The following CSMD1 variants were observed in gnomAD, a reference collection of about 807,000 sequenced individuals.
The protein encoded by CSMD1 is CUB and sushi domain-containing protein 1.
CSMD1 carries 213 observed loss-of-function variants against 417.5 expected under a neutral mutation model. The ratio of observed to expected loss-of-function variants is 0.51; its 90% CI spans 0.46 to 0.57. CSMD1 has a LOEUF of 0.57. Ranked by LOEUF, CSMD1 falls within the 20% of genes least tolerant of loss-of-function variation. The pLI is 0.00. For synonymous variants in CSMD1, 2,862 were observed against 1,736.8 expected (o/e 1.65, Z -16.11); for missense variants, 6,923 against 4,529.7 (o/e 1.53, Z -15.17).
At position 4,429,994 on chromosome 8, in the gene CSMD1, G is replaced by C. The variant is rs539253811; in HGVS notation, c.303-9929C>G. On this transcript the variant is annotated intron_variant, in intron 2 of 69. Coordinates refer to ENST00000635120, the MANE Select transcript of CSMD1 (RefSeq NM_033225.6). Reference sequence around the variant, plus strand: ...CACTGGAAGCTGAGCTGGAAGATGAGGTCTCCTTAAGTGCCTTCCCACTGA... The same window carrying C: ...CACTGGAAGCTGAGCTGGAAGATGACGTCTCCTTAAGTGCCTTCCCACTGA... 2.4e-4 allele frequency among the ~76,000 whole-genome samples: 36 copies of C among 152,246 alleles called. 1 individual carries two copies. In the South Asian group the frequency reaches 7.0e-3, roughly 30 times the overall value.
intron 5 of CSMD1, among the ~76,000 whole-genome samples, chr8:3,855,019 A>G (rs1461596809): frequency 6.6e-6 from 1 of 152,194 alleles, no homozygotes. Context: ...ACATTCGGAA[A>G]TAAACACAAA....
intron 1 of CSMD1, among the ~76,000 whole-genome samples, chr8:4,662,905 C>A (rs1804689117): frequency 6.6e-6 from 1 of 151,814 alleles, no homozygotes; most frequent in South Asian, 2.1e-4. Flanking sequence ...AGCCAAAAGA[C>A]AAAAAGAGAG....
intron 1 of CSMD1, among the ~76,000 whole-genome samples, chr8:4,968,675 C>T (rs75443990): frequency 2.0e-5 from 3 of 152,054 alleles, no homozygotes; most frequent in African/African-American, 7.2e-5. Flanking sequence ...AAAGACTTAG[C>T]TATCTCTGCT....
At chr8:3,681,240 A>T (rs1464428016) in intron 7 of CSMD1, among the ~76,000 whole-genome samples, 1 of 152,230 alleles carries the variant, frequency 6.6e-6, no homozygotes, top group Non-Finnish European at 1.5e-5. Context: ...GAAAAGAGGA[A>T]GTCAAATCGT....
chr8:4,844,750 A>G (rs1318762301), intron 1 of CSMD1, among the ~76,000 whole-genome samples: 1 of 152,232 alleles, frequency 6.6e-6, no homozygotes, highest in South Asian at 2.1e-4. Flanking sequence ...AAACCATCTC[A>G]GTGATAAGCT....
At chr8:3,940,477 T>C (rs1424663967) in intron 5 of CSMD1, among the ~76,000 whole-genome samples, 1 of 150,200 alleles carries the variant, frequency 6.7e-6, no homozygotes, top group African/African-American at 2.5e-5. Context: ...GTATATTCAG[T>C]AAAATTTAAA....
chr8:3,929,375 G>A (rs898146377), intron 5 of CSMD1, among the ~76,000 whole-genome samples: 7 of 150,422 alleles, frequency 4.7e-5, no homozygotes, highest in Middle Eastern at 3.2e-3. Context: ...GAAAAAGTTC[G>A]TGAATGTTCA....
At chr8:4,976,395 A>G (rs1229203596) in intron 1 of CSMD1, among the ~76,000 whole-genome samples, 1 of 152,252 alleles carries the variant, frequency 6.6e-6, no homozygotes, top group Non-Finnish European at 1.5e-5. Flanking sequence ...CATTAAATTA[A>G]TGAAGGCATT....
chr8:3,895,271 G>C (rs1029647898), intron 5 of CSMD1, among the ~76,000 whole-genome samples: 40 of 152,168 alleles, frequency 2.6e-4, no homozygotes, highest in African/African-American at 9.6e-4. Flanking sequence ...ATGGTCTACT[G>C]CTTTCTATTT....
intron 10 of CSMD1, among the ~76,000 whole-genome samples, chr8:3,498,036 T>C (rs945141059): frequency 2.0e-5 from 3 of 152,242 alleles, no homozygotes; most frequent in African/African-American, 7.2e-5. Context: ...AATTTTATTC[T>C]TACAACTCTA....
chr8:4,539,049 A>C (rs1797248494), intron 2 of CSMD1, among the ~76,000 whole-genome samples: 1 of 152,228 alleles, frequency 6.6e-6, no homozygotes, highest in African/African-American at 2.4e-5. Flanking sequence ...TGCCAGTGTT[A>C]GGTGCCAGAA....
At chr8:4,891,185 G>C (rs936489828) in intron 1 of CSMD1, among the ~76,000 whole-genome samples, 2 of 152,090 alleles carry the variant, frequency 1.3e-5, no homozygotes, top group Non-Finnish European at 2.9e-5. Context: ...AATACATCTG[G>C]AAGTGAAACA....
chr8:4,220,368 T>A (rs1267672820), intron 3 of CSMD1, among the ~76,000 whole-genome samples: 2 of 152,138 alleles, frequency 1.3e-5, no homozygotes, highest in African/African-American at 2.4e-5. Flanking sequence ...GACCACACCA[T>A]GAGGAGGACC....
intron 7 of CSMD1, among the ~76,000 whole-genome samples, chr8:3,642,809 C>G (rs1349881954): frequency 6.6e-6 from 1 of 151,478 alleles, no homozygotes; most frequent in Non-Finnish European, 1.5e-5. Context: ...CCAGTAGAAC[C>G]CCCAGAGATG....
intron 1 of CSMD1, among the ~76,000 whole-genome samples, chr8:4,839,393 T>G (rs1053551950): frequency 3.3e-5 from 5 of 152,178 alleles, no homozygotes; most frequent in East Asian, 1.9e-4. Context: ...CACATCACAG[T>G]TAGCTCAACA....
chr8:3,750,588 T>C (rs557501990), intron 6 of CSMD1, among the ~76,000 whole-genome samples: 1 of 152,244 alleles, frequency 6.6e-6, no homozygotes, highest in East Asian at 1.9e-4. Flanking sequence ...AAAGGTACAA[T>C]ACAATTTGGG....
At chr8:4,029,006 C>A (rs1797206978) in intron 4 of CSMD1, among the ~76,000 whole-genome samples, 1 of 152,154 alleles carries the variant, frequency 6.6e-6, no homozygotes, top group Admixed American at 6.5e-5. Context: ...TGAAATATGA[C>A]AACGGCACTT....
rs868854038 is a variant in CSMD1 at position 3,551,606 on chromosome 8, T to A, written c.1344+23339A>T. Among the ~76,000 whole-genome samples, 924 of 140,054 alleles carry A rather than the reference T, an allele frequency of 6.6e-3. 12 individuals are homozygous for A. Among genetic ancestry groups the A allele is most frequent in the African/African-American group, 0.022 (862 of 39,792 alleles). The allele number at this position is 140,054 out of a possible 152,430, so 91.9% of individuals were successfully genotyped here. A position where few individuals can be genotyped will look rare whatever the true frequency, so the allele number is the denominator to read the frequency against. On this transcript the variant is annotated intron_variant, in intron 10 of 69. Coordinates refer to ENST00000635120, the MANE Select transcript of CSMD1 (RefSeq NM_033225.6). The stretch of plus-strand genomic sequence containing the variant: ...TATATATATATATATATTTTTTTTT[T>A]TTTTTTTTCTGAAGATACATTATGT...
chr8:3,200,902 G>A (rs1430927504), intron 32 of CSMD1, among the ~76,000 whole-genome samples: 1 of 152,160 alleles, frequency 6.6e-6, no homozygotes. Flanking sequence ...AATGTACCCA[G>A]TACCAAACTG....
Sources: allele counts gnomAD v4.1 joint callset (sites outside exome capture counted in the v4.1 genomes callset), GRCh38; gene constraint gnomAD v4.1.1; transcripts MANE v1.5; gene names NCBI Gene and HGNC (gene_info 2026-07-23, HGNC 2026-07-21).